Variants in RAP1GAP2 observed in about 807,000 individuals in gnomAD.
The protein encoded by RAP1GAP2 is rap1 GTPase-activating protein 2.
RAP1GAP2 carries 27 observed loss-of-function variants against 95.0 expected under a neutral mutation model. The observed-to-expected ratio is 0.28, with a 90% CI of 0.21 to 0.39. The LOEUF (loss-of-function observed/expected upper bound fraction) is 0.39, where lower values mean the gene tolerates loss of function less well. Ranked by LOEUF, RAP1GAP2 falls within the 10% of genes least tolerant of loss-of-function variation. The pLI is 1.00. For synonymous variants in RAP1GAP2, 373 were observed against 380.9 expected, an observed-to-expected ratio of 0.98 and a Z score of 0.24; for missense variants, 771 against 970.0, an observed-to-expected ratio of 0.79 and a Z score of 2.72.
intron 3 of RAP1GAP2, among the ~76,000 whole-genome samples, chr17:2,927,353 C>T (rs907063412): frequency 2.7e-4 from 41 of 151,638 alleles, no homozygotes; most frequent in African/African-American, 6.8e-4. Flanking sequence ...CGGGGTTTCA[C>T]CGTGTTAGCC....
At chr17:2,872,201 G>A (rs1278926268) in intron 2 of RAP1GAP2, among the ~76,000 whole-genome samples, 1 of 118,372 alleles carries the variant, frequency 8.4e-6, no homozygotes, top group Non-Finnish European at 1.7e-5. Context: ...ATGACAGAAT[G>A]AGCCTCTGTC....
chr17:2,912,120 C>T (rs1003088604), intron 3 of RAP1GAP2, among the ~76,000 whole-genome samples: 3 of 152,232 alleles, frequency 2.0e-5, no homozygotes, highest in Non-Finnish European at 4.4e-5. Context: ...CCAGGGAATG[C>T]CCCCACCGCC....
At chr17:2,890,001 G>A (rs1341434129) in intron 2 of RAP1GAP2, among the ~76,000 whole-genome samples, 1 of 150,576 alleles carries the variant, frequency 6.6e-6, no homozygotes, top group Non-Finnish European at 1.5e-5. Context: ...TGGGATTACA[G>A]GTGTGAGCCC....
At chr17:2,821,437 A>G (rs1023333327) in intron 2 of RAP1GAP2, among the ~76,000 whole-genome samples, 13 of 138,826 alleles carry the variant, frequency 9.4e-5, no homozygotes, top group Middle Eastern at 4.1e-3. Flanking sequence ...GTGCAGTGGC[A>G]CGCTTACAGT....
chr17:2,916,570 C>T (rs1265356475), intron 3 of RAP1GAP2, among the ~76,000 whole-genome samples: 2 of 152,214 alleles, frequency 1.3e-5, no homozygotes, highest in Non-Finnish European at 1.5e-5. Flanking sequence ...CTACAGACTG[C>T]TCTGCGTGAA....
intron 2 of RAP1GAP2, among the ~76,000 whole-genome samples, chr17:2,844,388 C>T (rs1054708078): frequency 3.3e-5 from 5 of 152,162 alleles, no homozygotes; most frequent in South Asian, 2.1e-4. Flanking sequence ...AATTTTTTTC[C>T]CCTAAGAGTA....
At chr17:2,940,834 C>T (rs2043467673) in intron 3 of RAP1GAP2, among the ~76,000 whole-genome samples, 1 of 152,170 alleles carries the variant, frequency 6.6e-6, no homozygotes, top group African/African-American at 2.4e-5. Flanking sequence ...CTTTCTTCTC[C>T]CTCCTTGGCT....
rs1381547094 is a variant in RAP1GAP2 at position 2,827,938 on chromosome 17, C to T, written c.80+27388C>T. 6.6e-6 allele frequency among the ~76,000 whole-genome samples: 1 copy of T among 152,238 alleles called. No homozygotes were observed. The highest frequency in any genetic ancestry group is 1.9e-4 in the East Asian group (1 of 5,194). On this transcript the variant is annotated intron_variant, in intron 2 of 24. Transcript: ENST00000254695. This position sits in a 1 kb window ranked among gnomAD's most constrained non-coding sequence, Gnocchi z 4.1. ...AGGCTCTCAGGCTGGAGGCCAGCTA[C>T]TGCTCCGGCCAGCCCTTCCCTGTGG...
Position 2,815,673 on chromosome 17 carries a change from G to A in RAP1GAP2, c.80+15123G>A, listed in dbSNP as rs569504881. Among the ~76,000 whole-genome samples, 8 of 152,130 alleles carry A rather than the reference G, an allele frequency of 5.3e-5. No individual in the cohort carries two copies. The East Asian group carries it at 1.5e-3, about 29-fold the overall frequency. ...ATTTTTGTATTTTTAGTAGAGATGG[G>A]GTTTCACCACGTTGACCAGGCTGGT... is the stretch of plus-strand genomic sequence containing the variant. On this transcript the variant is annotated intron_variant, in intron 2 of 24. Transcript: ENST00000254695.
intron 1 of RAP1GAP2, among the ~76,000 whole-genome samples, chr17:2,764,836 C>T (rs1027645361): frequency 1.3e-5 from 2 of 152,210 alleles, no homozygotes; most frequent in African/African-American, 2.4e-5. Flanking sequence ...AGTGACAGGG[C>T]TCCCCAGGCA....
chr17:3,026,478 G>T lies in RAP1GAP2; in HGVS notation c.1980+14G>T, dbSNP rs1378299314. On this transcript the variant is annotated intron_variant, in intron 21 of 24. Coordinates refer to ENST00000254695, the MANE Select transcript of RAP1GAP2 (RefSeq NM_015085.5). ...GGCGACAGTGGGGTAGGTGTGCCCCGTCCACCCTTGGGCAGGCACTCTGGG... is the reference window on the plus strand; with the variant it reads ...GGCGACAGTGGGGTAGGTGTGCCCCTTCCACCCTTGGGCAGGCACTCTGGG... 1 of 1,530,858 alleles carries T rather than the reference G, an allele frequency of 6.5e-7. No individual in the cohort carries two copies. The highest frequency in any genetic ancestry group is 1.2e-5 in the South Asian group (1 of 82,130). The allele number at this position is 1,530,858 out of a possible 1,614,324, so 94.8% of individuals were successfully genotyped here.
intron 3 of RAP1GAP2, among the ~76,000 whole-genome samples, chr17:2,914,869 A>G (rs1413531357): frequency 7.5e-6 from 1 of 132,622 alleles, no homozygotes; most frequent in African/African-American, 2.9e-5. Flanking sequence ...TCGGCTCACT[A>G]CAACCTCCAC....
chr17:2,949,389 G>A (rs574387543), intron 3 of RAP1GAP2, among the ~76,000 whole-genome samples: 45 of 152,390 alleles, frequency 3.0e-4, no homozygotes, highest in African/African-American at 8.7e-4. Context: ...GGCAATGCCA[G>A]TGAGTCAGTG....
intron 17 of RAP1GAP2, among the ~76,000 whole-genome samples, chr17:3,009,901 C>T (rs1314440236): frequency 1.3e-5 from 2 of 151,998 alleles, no homozygotes; most frequent in Non-Finnish European, 2.9e-5. Flanking sequence ...AACAGGAAAA[C>T]GGGCTTGGGT....
intron 11 of RAP1GAP2, among the ~76,000 whole-genome samples, chr17:2,986,679 G>A (rs2045569798): frequency 6.6e-6 from 1 of 151,974 alleles, no homozygotes; most frequent in South Asian, 2.1e-4. Context: ...TAACTCTCGT[G>A]TTTGCTGTTC....
At chr17:2,757,238 C>A (rs1188107678) in intron 1 of RAP1GAP2, among the ~76,000 whole-genome samples, 1 of 152,218 alleles carries the variant, frequency 6.6e-6, no homozygotes, top group Non-Finnish European at 1.5e-5. Flanking sequence ...CCCACCTCAG[C>A]CTCCCAAGTA....
At chr17:2,995,529 C>A in intron 13 of RAP1GAP2, 63 bp downstream of exon 13, 2 of 1,600,116 alleles carry the variant, frequency 1.2e-6, no homozygotes, top group South Asian at 2.2e-5. Flanking sequence ...TGCCTCTGGT[C>A]TGACCTGCTA....
chr17:2,955,438 G>A (rs760535261), intron 3 of RAP1GAP2, among the ~76,000 whole-genome samples: 4 of 152,124 alleles, frequency 2.6e-5, no homozygotes, highest in Non-Finnish European at 5.9e-5. Flanking sequence ...GGGTATATGT[G>A]TATTTAGATC....
Position 2,879,233 on chromosome 17 carries a change from G to A in RAP1GAP2, c.81-26051G>A, listed in dbSNP as rs574064160. Among the ~76,000 whole-genome samples the A allele has an allele frequency of 5.1e-3, 780 of 151,648 alleles. 24 individuals are homozygous for A. The highest frequency in any genetic ancestry group is 0.039 in the Admixed American group (600 of 15,228). On this transcript the variant is annotated intron_variant, in intron 2 of 24. Coordinates refer to ENST00000254695, the MANE Select transcript of RAP1GAP2 (RefSeq NM_015085.5). ...CCGGTTCAAGTGATTTTCCTGCCTCGGCCTCCCAAGTATCTAGTTTTACAG... is the reference window on the plus strand; with the variant it reads ...CCGGTTCAAGTGATTTTCCTGCCTCAGCCTCCCAAGTATCTAGTTTTACAG...
Sources: allele counts gnomAD v4.1 joint callset (sites outside exome capture counted in the v4.1 genomes callset), GRCh38; gene constraint gnomAD v4.1.1; non-coding constraint Gnocchi (gnomAD v3.1); transcripts MANE v1.5; gene names NCBI Gene and HGNC (gene_info 2026-07-23, HGNC 2026-07-21).